Variants in PALS2 observed in about 807,000 individuals in gnomAD.
PALS2 encodes the protein protein PALS2.
In PALS2, 27 loss-of-function variants were observed where a neutral mutation model predicts 61.6. The ratio of observed to expected loss-of-function variants is 0.44; its 90% CI spans 0.32 to 0.60. The LOEUF (loss-of-function observed/expected upper bound fraction) is 0.60. Among genes scored for constraint, PALS2 ranks in the 20% least tolerant of loss-of-function variants. The pLI is 0.05. For missense variants in PALS2, 554 were observed against 639.4 expected (o/e 0.87, Z 1.44); for synonymous variants, 236 against 218.6 (o/e 1.08, Z -0.70).
chr7:24,667,049 T>G (rs181840268), intron 8 of PALS2: 3 of 152,318 alleles, frequency 2.0e-5, no homozygotes, highest in African/African-American at 4.8e-5. Flanking sequence ...TTGCTTTCTC[T>G]TAATATTGGT....
intron 8 of PALS2, among the ~76,000 whole-genome samples, chr7:24,667,483 C>T (rs1018750960): frequency 4.6e-5 from 7 of 152,026 alleles, no homozygotes; most frequent in African/African-American, 1.2e-4. Context: ...TAAGCAACCA[C>T]GCTAGGTTTA....
chr7:24,689,320 AC>A lies in PALS2; in HGVS notation c.*1707del, dbSNP rs1788359483. The A allele has an allele frequency of 6.6e-6, 1 of 152,204 alleles. No individual in the cohort carries two copies. Among genetic ancestry groups the A allele is most frequent in the Non-Finnish European group, 1.5e-5 (1 of 68,036 alleles). 9.4% of individuals were successfully genotyped at this position (152,204 alleles called of 1,614,324 possible). A position where few individuals can be genotyped will look rare whatever the true frequency, so the allele number is the denominator to read the frequency against. ...GTATTGTTGCTAGCTTTTCATGTAAACATTATTCACACTTTAAAGGATTAGG... is the reference window on the plus strand; with the variant it reads ...GTATTGTTGCTAGCTTTTCATGTAAAATTATTCACACTTTAAAGGATTAGG... On this transcript the variant is annotated 3_prime_UTR_variant, in exon 12 of 12. Transcript: ENST00000222644.
At chr7:24,657,004 G>A (rs1562646274) in intron 5 of PALS2, among the ~76,000 whole-genome samples, 1 of 152,028 alleles carries the variant, frequency 6.6e-6, no homozygotes, top group Admixed American at 6.5e-5. Context: ...TGTTTGATTC[G>A]TTTGTTTAGC....
chr7:24,594,170 T>C (rs55846946), intron 1 of PALS2, among the ~76,000 whole-genome samples: 10,154 of 152,126 alleles, frequency 0.067, 405 homozygotes, highest in African/African-American at 0.11. Flanking sequence ...CCTGTGCAAG[T>C]TTCAGACTTT....
chr7:24,599,504 GC>G (rs1783639312), intron 1 of PALS2, among the ~76,000 whole-genome samples: 1 of 132,060 alleles, frequency 7.6e-6, no homozygotes, highest in South Asian at 2.3e-4. Context: ...TCTTCTATAA[GC>G]TTTTTTTTTT....
Position 24,592,972 on chromosome 7 carries a change from CT to C in PALS2, c.-3+19385del, listed in dbSNP as rs542419096. On this transcript the variant is annotated intron_variant, in intron 1 of 11. Transcript: ENST00000222644. ...ATAAAGTTTGCCACATTGGTAGACT[CT>C]TTTTTCATGAAAGATTTATTGGTAA... Among the ~76,000 whole-genome samples, 7 of 151,932 alleles carry C rather than the reference CT, an allele frequency of 4.6e-5. No homozygotes were observed. The East Asian group carries it at 1.3e-3, about 29-fold the overall frequency.
intron 1 of PALS2, among the ~76,000 whole-genome samples, chr7:24,589,911 A>G (rs1048689761): frequency 1.3e-5 from 2 of 152,146 alleles, no homozygotes; most frequent in Admixed American, 6.5e-5. Context: ...ATACTTTGCA[A>G]TGCAGGATTG....
At chr7:24,594,930 T>A (rs57710107) in intron 1 of PALS2, among the ~76,000 whole-genome samples, 10,156 of 152,186 alleles carry the variant, frequency 0.067, 402 homozygotes, top group African/African-American at 0.11. Context: ...GAAGTGAGCA[T>A]ATGCTGTTGG....
intron 5 of PALS2, among the ~76,000 whole-genome samples, chr7:24,654,895 T>C (rs1472669532): frequency 1.3e-5 from 2 of 152,188 alleles, no homozygotes; most frequent in African/African-American, 2.4e-5. Flanking sequence ...TACTTTGATA[T>C]GTGACAGAGA....
chr7:24,664,565 A>T (rs998321016), intron 6 of PALS2, among the ~76,000 whole-genome samples: 1 of 152,292 alleles, frequency 6.6e-6, no homozygotes, highest in African/African-American at 2.4e-5. Flanking sequence ...GGTAACTCAC[A>T]TTAGCTCTAA....
intron 8 of PALS2, chr7:24,666,736 A>C (rs1383532750): frequency 6.6e-6 from 1 of 152,166 alleles, no homozygotes; most frequent in East Asian, 1.9e-4. Context: ...ACCTCAGTAA[A>C]GCTGAAAAGA....
At chr7:24,628,277 C>T in intron 2 of PALS2, among the ~76,000 whole-genome samples, 1 of 152,154 alleles carries the variant, frequency 6.6e-6, no homozygotes, top group East Asian at 1.9e-4. Context: ...ACATGATTAT[C>T]TTAATAGATG....
At chr7:24,626,244 G>T (rs1784737958) in intron 2 of PALS2, among the ~76,000 whole-genome samples, 1 of 151,918 alleles carries the variant, frequency 6.6e-6, no homozygotes, top group African/African-American at 2.4e-5. Context: ...CACAACAGAA[G>T]AGGGAATAAG....
intron 5 of PALS2, among the ~76,000 whole-genome samples, chr7:24,658,769 A>T (rs1416048516): frequency 3.3e-5 from 5 of 151,438 alleles, no homozygotes; most frequent in African/African-American, 1.2e-4. Flanking sequence ...GTTGGCCAGG[A>T]TGGTCTCGAT....
chr7:24,605,772 C>A (rs908855376), intron 1 of PALS2, among the ~76,000 whole-genome samples: 6 of 152,068 alleles, frequency 3.9e-5, no homozygotes, highest in Non-Finnish European at 8.8e-5. Flanking sequence ...TTTATGTATA[C>A]CTGTGTAATA....
intron 1 of PALS2, among the ~76,000 whole-genome samples, chr7:24,577,784 G>C (rs1051707137): frequency 6.6e-5 from 10 of 151,996 alleles, no homozygotes; most frequent in African/African-American, 2.4e-4. Flanking sequence ...CATCCTTCCA[G>C]AATGACACTA....
chr7:24,653,763 A>G (rs984699177), intron 5 of PALS2, among the ~76,000 whole-genome samples: 1 of 152,218 alleles, frequency 6.6e-6, no homozygotes, highest in Non-Finnish European at 1.5e-5. Context: ...CTGCAAACCA[A>G]GGAATGGTGA....
Position 24,650,606 on chromosome 7 carries a change from A to G in PALS2, c.545A>G (p.Glu182Gly). Residue 182 changes from glutamate to glycine, a missense_variant, in exon 5 of 12, where the codon GAG (glutamate) becomes GGG (glycine). Glu to Gly is a moderately conservative substitution (Grantham distance 98). Coordinates refer to ENST00000222644, the MANE Select transcript of PALS2 (RefSeq NM_001303037.2). ...ATAATTAAAGAAGTCAATGGCCATG[A>G]GGTTGGAAATAATCCAAAGGAATTA... ...GDIIKEVNGH[E>G]VGNNPKELQE... 1 of 1,612,556 alleles carries G rather than the reference A, an allele frequency of 6.2e-7. No homozygotes were observed. The highest frequency in any genetic ancestry group is 1.1e-5 in the South Asian group (1 of 91,010).
At position 24,674,809 on chromosome 7, in the gene PALS2, T is replaced by G. The variant is rs187287167; in HGVS notation, c.1115-4322T>G. The stretch of plus-strand genomic sequence containing the variant: ...GAAAAACATTGTTATTTTAGGGAGA[T>G]GGGCTATGTTATGCATCCTGTTTTC... On this transcript the variant is annotated intron_variant, in intron 9 of 11. Transcript: ENST00000222644. Among the ~76,000 whole-genome samples, 79 of 152,004 alleles carry G rather than the reference T, an allele frequency of 5.2e-4. 1 individual carries two copies. The East Asian group carries it at 0.014, about 27-fold the overall frequency.
Sources: gnomAD v4.1 joint callset for allele counts (sites outside exome capture counted in the v4.1 genomes callset) on GRCh38, gnomAD v4.1.1 for gene constraint, MANE v1.5 for transcripts, NCBI Gene and HGNC (gene_info 2026-07-23, HGNC 2026-07-21) for gene names.